The following EFCAB3 variants were observed in gnomAD, a reference collection of about 807,000 sequenced individuals.
EFCAB3 encodes the protein EF-hand calcium-binding domain-containing protein 3.
Under a neutral mutation model 42.2 loss-of-function variants are expected in EFCAB3, and 36 were observed. That is an observed-to-expected ratio of 0.85 (90% confidence interval 0.65 to 1.13). EFCAB3 has a LOEUF of 1.13. Ranked by LOEUF, EFCAB3 falls within the 50% of genes most tolerant of loss-of-function variation. EFCAB3 has a pLI of 0.00. For synonymous variants in EFCAB3, 170 were observed against 172.8 expected (o/e 0.98, Z 0.13); for missense variants, 418 against 505.1 (o/e 0.83, Z 1.65).
chr17:62,413,260 G>T (rs756399597), intron 8 of EFCAB3, among the ~76,000 whole-genome samples: 1 of 152,044 alleles, frequency 6.6e-6, no homozygotes, highest in Non-Finnish European at 1.5e-5. Context: ...ATAAAAATGG[G>T]CAAAGGGTAT....
chr17:62,391,676 A>G, intron 3 of EFCAB3, 146 bp from the exon 4 acceptor site: 1 of 825,278 alleles, frequency 1.2e-6, no homozygotes. Context: ...GTCCTTTATA[A>G]GAAATGTCTA....
intron 4 of EFCAB3, among the ~76,000 whole-genome samples, chr17:62,393,105 G>A (rs1466829149): frequency 6.6e-6 from 1 of 152,120 alleles, no homozygotes; most frequent in African/African-American, 2.4e-5. Context: ...GTCACTTAAG[G>A]TGTCACTTGC....
chr17:62,398,961 A>G (rs1188927692), intron 6 of EFCAB3, among the ~76,000 whole-genome samples: 1 of 152,150 alleles, frequency 6.6e-6, no homozygotes, highest in Non-Finnish European at 1.5e-5. Flanking sequence ...CAAGCACTTT[A>G]CATACATCAG....
Position 62,381,979 on chromosome 17 carries a change from G to A in EFCAB3, c.-17-984G>A, listed in dbSNP as rs76572903. 7.7e-3 allele frequency: 2,177 copies of A among 280,974 alleles called. 67 individuals are homozygous for A. The highest frequency in any genetic ancestry group is 0.047 in the African/African-American group (2,073 of 43,970). 17.4% of individuals were successfully genotyped at this position (280,974 alleles called of 1,614,324 possible). On this transcript the variant is annotated intron_variant, in intron 1 of 9. Coordinates refer to ENST00000305286, the MANE Select transcript of EFCAB3 (RefSeq NM_173503.4). ...AGGAGGAGGAGGAGGTGTCCAAAGA[G>A]TCAGACGATGACATGGGATTTGGTC...
Position 62,391,817 on chromosome 17 carries a change from C to T in EFCAB3, c.152-5C>T. The T allele has an allele frequency of 6.2e-7, 1 of 1,612,990 alleles. No individual in the cohort carries two copies. The highest frequency in any genetic ancestry group is 8.5e-7 in the Non-Finnish European group (1 of 1,179,402). Reference sequence around the variant, plus strand: ...GTCCTGAATAACTTAATCCTATCTCCCCAGCTTTCCAAGATGCCTACAACT... The same window carrying T: ...GTCCTGAATAACTTAATCCTATCTCTCCAGCTTTCCAAGATGCCTACAACT... On this transcript the variant is annotated splice_polypyrimidine_tract_variant and splice_region_variant and intron_variant, in intron 3 of 9. Transcript: ENST00000305286.
rs1408900360 is a variant in EFCAB3, at chr17:62,414,489, C to A, written c.990+635C>A. 3.3e-5 allele frequency among the ~76,000 whole-genome samples: 5 copies of A among 152,160 alleles called. No homozygotes were observed. In the South Asian group the frequency reaches 8.3e-4, roughly 25 times the overall value. On this transcript the variant is annotated intron_variant, in intron 9 of 9. Transcript: ENST00000305286. Reference sequence around the variant, plus strand: ...CTCTACGCTGGGTCTCATAACATAACAAACTCAACATGTCCAAAACAAAAC... The same window carrying A: ...CTCTACGCTGGGTCTCATAACATAAAAAACTCAACATGTCCAAAACAAAAC...
At position 62,415,996 on chromosome 17, in the gene EFCAB3, A is replaced by G; in HGVS notation, c.991-7A>G. On this transcript the variant is annotated splice_region_variant and splice_polypyrimidine_tract_variant and intron_variant, in intron 9 of 9. Transcript: ENST00000305286. ...AACTACAATAAACTTCTGGTCTCTC[A>G]CTGCAGGTGAAGAGAGCTACTGATA... The G allele has an allele frequency of 1.3e-6, 2 of 1,593,842 alleles. No homozygotes were observed. The highest frequency in any genetic ancestry group is 1.4e-5 in the African/African-American group (1 of 74,056).
chr17:62,396,377 AC>A (rs1308313011), intron 6 of EFCAB3, among the ~76,000 whole-genome samples: 1 of 152,062 alleles, frequency 6.6e-6, no homozygotes, highest in Non-Finnish European at 1.5e-5. Flanking sequence ...ACATGGTGAA[AC>A]CCTGTCTCTA....
chr17:62,388,147 G>A (rs567261171), intron 3 of EFCAB3, among the ~76,000 whole-genome samples: 2 of 152,112 alleles, frequency 1.3e-5, no homozygotes, highest in Non-Finnish European at 2.9e-5. Context: ...GGAAGCGGAG[G>A]TTGCAGTAAG....
chr17:62,383,166 TA>T (rs147860256), intron 2 of EFCAB3, 113 bp downstream of exon 2: 27 of 953,634 alleles, frequency 2.8e-5, no homozygotes, highest in South Asian at 1.5e-4. Context: ...GGGAAGCCCC[TA>T]AAAAAAAGAA....
rs2070218829 is a variant in EFCAB3, at chr17:62,383,171, A to G, written c.74+118A>G. On this transcript the variant is annotated intron_variant, in intron 2 of 9. Transcript: ENST00000305286. ...GATCTTTACTGGGAAGCCCCTAAAA[A>G]AAAGAAAATTATTGAGATTATTGGC... 7 of 933,498 alleles carry G rather than the reference A, an allele frequency of 7.5e-6. No individual in the cohort carries two copies. In the South Asian group the frequency reaches 1.3e-4, roughly 17 times the overall value. 57.8% of individuals were successfully genotyped at this position (933,498 alleles called of 1,614,324 possible). A position where few individuals can be genotyped will look rare whatever the true frequency, so the allele number is the denominator to read the frequency against.
intron 6 of EFCAB3, among the ~76,000 whole-genome samples, chr17:62,399,920 A>G (rs530566982): frequency 9.2e-5 from 14 of 152,292 alleles, no homozygotes; most frequent in African/African-American, 3.4e-4. Flanking sequence ...TGTGTGTTTT[A>G]TTCACTGCTA....
intron 1 of EFCAB3, among the ~76,000 whole-genome samples, chr17:62,381,057 T>C (rs2070192544): frequency 6.6e-6 from 1 of 152,168 alleles, no homozygotes; most frequent in African/African-American, 2.4e-5. Context: ...TGCAGGTTAG[T>C]TACATACGTA....
At chr17:62,376,747 C>T (rs1345110037), upstream of EFCAB3, among the ~76,000 whole-genome samples, 1 of 152,172 alleles carries the variant, frequency 6.6e-6, no homozygotes, top group Non-Finnish European at 1.5e-5. Context: ...TGAACAACTT[C>T]AAGACCTGCT....
intron 1 of EFCAB3, among the ~76,000 whole-genome samples, chr17:62,381,125 T>A (rs2070193615): frequency 6.6e-6 from 1 of 150,936 alleles, no homozygotes; most frequent in African/African-American, 2.4e-5. Flanking sequence ...ATCAGGTATA[T>A]CTCCTAATGC....
At position 62,412,361 on chromosome 17, in the gene EFCAB3, C is replaced by CAAA. The variant is rs1237628464; in HGVS notation, c.868-1352_868-1350dup. On this transcript the variant is annotated intron_variant, in intron 8 of 9. Transcript: ENST00000305286. ...ACTGCACTCCAGCGAGACTCTGTCTCAAAAAAAAAAAAAAAAAAAAAGAAT... is the reference window on the plus strand; with the variant it reads ...ACTGCACTCCAGCGAGACTCTGTCTCAAAAAAAAAAAAAAAAAAAAAAAAGAAT... Among the ~76,000 whole-genome samples the CAAA allele has an allele frequency of 2.9e-3, 189 of 65,828 alleles. 4 individuals are homozygous for CAAA. The highest frequency in any genetic ancestry group is 8.2e-3 in the African/African-American group (166 of 20,320). The allele number at this position is 65,828 out of a possible 152,430, so 43.2% of individuals were successfully genotyped here. A position where few individuals can be genotyped will look rare whatever the true frequency, so the allele number is the denominator to read the frequency against.
At chr17:62,392,385 A>G (rs2070311082) in intron 4 of EFCAB3, among the ~76,000 whole-genome samples, 1 of 151,872 alleles carries the variant, frequency 6.6e-6, no homozygotes, top group Admixed American at 6.6e-5. Flanking sequence ...TTAATCCTAG[A>G]AAATGGACTA....
intron 6 of EFCAB3, among the ~76,000 whole-genome samples, chr17:62,400,919 G>A (rs1567726222): frequency 6.6e-6 from 1 of 152,000 alleles, no homozygotes; most frequent in African/African-American, 2.4e-5. Flanking sequence ...TCCAGCACCT[G>A]TTGTTTTTAA....
Position 62,398,496 on chromosome 17 carries a change from T to C in EFCAB3, c.488+3308T>C, listed in dbSNP as rs1273707088. ...AAAACTGTAGTGATAAATTTTTATATGCAAAAAAAAAAAAAAACAAAAAAT... is the reference window on the plus strand; with the variant it reads ...AAAACTGTAGTGATAAATTTTTATACGCAAAAAAAAAAAAAAACAAAAAAT... On this transcript the variant is annotated intron_variant, in intron 6 of 9. Transcript: ENST00000305286. Among the ~76,000 whole-genome samples, 68 of 53,656 alleles carry C rather than the reference T, an allele frequency of 1.3e-3. No individual in the cohort carries two copies. In the East Asian group the frequency reaches 0.021, roughly 17 times the overall value. 35.2% of individuals were successfully genotyped at this position (53,656 alleles called of 152,430 possible).
Sources: allele counts gnomAD v4.1 joint callset (sites outside exome capture counted in the v4.1 genomes callset), GRCh38; gene constraint gnomAD v4.1.1; transcripts MANE v1.5; gene names NCBI Gene and HGNC (gene_info 2026-07-23, HGNC 2026-07-21).